Variants in PDE7B observed in about 807,000 individuals in gnomAD.
The protein encoded by PDE7B is 3',5'-cyclic-AMP phosphodiesterase 7B.
PDE7B carries 29 observed loss-of-function variants against 56.2 expected under a neutral mutation model. The observed-to-expected ratio is 0.52, with a 90% confidence interval of 0.38 to 0.70. PDE7B has a LOEUF of 0.70. Ranked by LOEUF, PDE7B falls within the 30% of genes least tolerant of loss-of-function variation. The pLI is 0.00. For synonymous variants in PDE7B, 197 were observed against 196.9 expected (o/e 1.00, Z 0.00); for missense variants, 490 against 565.0 (o/e 0.87, Z 1.35).
In PDE7B at chr6:136,154,088, A is replaced by T. The variant is rs749990209; in HGVS notation, c.492A>T (p.Glu164Asp). 1.2e-6 allele frequency: 2 copies of T among 1,613,262 alleles called. No homozygotes were observed. The highest frequency in any genetic ancestry group is 8.5e-7 in the Non-Finnish European group (1 of 1,179,280). Residue 164 changes from glutamate (E) to aspartate (D), a missense_variant, in exon 7 of 13, where the codon GAA becomes GAT. Transcript: ENST00000308191. ...TTTACCTCCCAGTCATGGTTCAAGA[A>T]GATTACCACAGCCAAAACCCGTATC... ...TLHRFLVMVQ[E>D]DYHSQNPYHN...
chr6:135,884,996 C>T (rs1371201612), intron 1 of PDE7B, among the ~76,000 whole-genome samples: 2 of 152,188 alleles, frequency 1.3e-5, no homozygotes, highest in Non-Finnish European at 2.9e-5. Flanking sequence ...CCCACATCAA[C>T]TCATGGAAAA....
rs1774161865 is a variant in PDE7B, at chr6:135,925,152, A to G, written c.22-22312A>G. Among the ~76,000 whole-genome samples, 2 of 152,172 alleles carry G rather than the reference A, an allele frequency of 1.3e-5. 1 individual carries two copies. The highest frequency in any genetic ancestry group is 4.1e-4 in the South Asian group (2 of 4,832). The stretch of plus-strand genomic sequence containing the variant: ...CTGAAAGAAAAGAAGTAGAAAATTT[A>G]ATATTTAAAAAATAAATCATTAAAA... On this transcript the variant is annotated intron_variant, in intron 1 of 12. Transcript: ENST00000308191.
At chr6:136,158,363 C>T (rs866173320) in intron 8 of PDE7B, among the ~76,000 whole-genome samples, 4 of 152,102 alleles carry the variant, frequency 2.6e-5, no homozygotes, top group South Asian at 2.1e-4. Flanking sequence ...TGTACATATA[C>T]GCACAAAAAT....
Position 135,968,025 on chromosome 6 carries a change from C to T in PDE7B, c.82+20501C>T, listed in dbSNP as rs144779029. Among the ~76,000 whole-genome samples the T allele has an allele frequency of 2.4e-3, 371 of 152,274 alleles. 1 individual carries two copies. Among genetic ancestry groups the T allele is most frequent in the Non-Finnish European group, 3.7e-3 (250 of 68,020 alleles). ...GGTTTGCTTTTTGGCAACACTGAAA[C>T]AGATTTAAATTCATATTGAAACAAA... On this transcript the variant is annotated intron_variant, in intron 2 of 12. Coordinates refer to ENST00000308191, the MANE Select transcript of PDE7B (RefSeq NM_018945.4).
intron 3 of PDE7B, among the ~76,000 whole-genome samples, chr6:136,125,688 T>C (rs994589886): frequency 1.3e-5 from 2 of 152,162 alleles, no homozygotes; most frequent in Non-Finnish European, 2.9e-5. Context: ...AAAACCCTAC[T>C]AAAGGCAAGA....
intron 2 of PDE7B, among the ~76,000 whole-genome samples, chr6:135,960,522 A>C (rs115837048): frequency 6.6e-6 from 1 of 152,220 alleles, no homozygotes; most frequent in African/African-American, 2.4e-5. Context: ...GGTAGTTTAT[A>C]TACTTACTGG....
chr6:135,955,849 C>G (rs989219969), intron 2 of PDE7B, among the ~76,000 whole-genome samples: 1 of 152,120 alleles, frequency 6.6e-6, no homozygotes, highest in Non-Finnish European at 1.5e-5. Context: ...TTAAACAGAT[C>G]GAGATACTGC....
intron 3 of PDE7B, chr6:136,117,033 T>C (rs574424939): frequency 6.6e-6 from 1 of 152,316 alleles, no homozygotes; most frequent in East Asian, 1.9e-4. Context: ...AGTACAAAAG[T>C]GACTTGTGTC....
intron 2 of PDE7B, among the ~76,000 whole-genome samples, chr6:136,016,521 G>A (rs1775980519): frequency 6.6e-6 from 1 of 152,172 alleles, no homozygotes; most frequent in African/African-American, 2.4e-5. Flanking sequence ...CTACAACTCT[G>A]GAGAGGTTTT....
At chr6:135,866,139 C>T (rs1026034490) in intron 1 of PDE7B, among the ~76,000 whole-genome samples, 1 of 151,950 alleles carries the variant, frequency 6.6e-6, no homozygotes, top group Non-Finnish European at 1.5e-5. Flanking sequence ...TTCAGAAGGG[C>T]ATAAAATGAA....
intron 1 of PDE7B, among the ~76,000 whole-genome samples, chr6:135,925,073 T>C (rs1026284702): frequency 6.6e-6 from 1 of 151,166 alleles, no homozygotes; most frequent in Non-Finnish European, 1.5e-5. Context: ...ACATTTTTAA[T>C]AGTTTATATG....
chr6:136,049,481 T>A (rs1057032945), intron 2 of PDE7B: 38 of 151,584 alleles, frequency 2.5e-4, no homozygotes, highest in African/African-American at 9.2e-4. Context: ...AAAAATATGG[T>A]TTTTTATGTA....
chr6:135,962,778 C>G (rs1272905343), intron 2 of PDE7B, among the ~76,000 whole-genome samples: 5 of 152,130 alleles, frequency 3.3e-5, no homozygotes, highest in African/African-American at 1.2e-4. Context: ...TTTATTAAAC[C>G]TCTCTCACAA....
chr6:136,137,491 A>G (rs1778231224), intron 3 of PDE7B, among the ~76,000 whole-genome samples: 2 of 152,132 alleles, frequency 1.3e-5, no homozygotes, highest in Admixed American at 6.6e-5. Context: ...ACTTAAACAC[A>G]AAGGCTTTCT....
At chr6:136,112,727 T>C (rs1357667397) in intron 3 of PDE7B, 3 of 152,208 alleles carry the variant, frequency 2.0e-5, no homozygotes, top group Non-Finnish European at 4.4e-5. Flanking sequence ...ACCTCTGTTA[T>C]TGATGCAGAT....
chr6:135,904,808 T>G (rs1271876333), intron 1 of PDE7B, among the ~76,000 whole-genome samples: 1 of 152,224 alleles, frequency 6.6e-6, no homozygotes, highest in Non-Finnish European at 1.5e-5. Context: ...CTATCCATCC[T>G]GCATGAGTAA....
At chr6:135,895,547 A>G (rs886198579) in intron 1 of PDE7B, among the ~76,000 whole-genome samples, 2 of 152,138 alleles carry the variant, frequency 1.3e-5, no homozygotes, top group Admixed American at 6.6e-5. Context: ...CCTTTTTCCA[A>G]TGTAAGTTCA....
chr6:135,934,398 A>G (rs116554242), intron 1 of PDE7B, among the ~76,000 whole-genome samples: 4,178 of 152,070 alleles, frequency 0.027, 213 homozygotes, highest in African/African-American at 0.095. Context: ...AATTTTGGTA[A>G]TATTTGTCAG....
At chr6:135,935,202 A>ATATTTATATTTATATT (rs1466265656) in intron 1 of PDE7B, among the ~76,000 whole-genome samples, 1 of 57,056 alleles carries the variant, frequency 1.8e-5, no homozygotes, top group African/African-American at 6.1e-5. Flanking sequence ...ATATATATAT[A>ATATTTATATTTATATT]TATATATATA....
Sources: gnomAD v4.1 joint callset for allele counts (sites outside exome capture counted in the v4.1 genomes callset) on GRCh38, gnomAD v4.1.1 for gene constraint, MANE v1.5 for transcripts, NCBI Gene and HGNC (gene_info 2026-07-23, HGNC 2026-07-21) for gene names.